ARMC3: variants seen among roughly 807,000 people sequenced by gnomAD.
ARMC3 encodes armadillo repeat-containing protein 3.
A neutral mutation model predicts 90.3 loss-of-function variants in ARMC3; 74 were observed. The ratio of observed to expected loss-of-function variants is 0.82; its 90% CI spans 0.68 to 0.99. The LOEUF (loss-of-function observed/expected upper bound fraction) is 0.99, where lower values mean the gene tolerates loss of function less well. Among genes scored for constraint, ARMC3 ranks in the 50% least tolerant of loss-of-function variants. The pLI is 0.00. For missense variants in ARMC3, 958 were observed against 1,042.8 expected, an observed-to-expected ratio of 0.92 and a Z score of 1.12; for synonymous variants, 334 against 361.8, an observed-to-expected ratio of 0.92 and a Z score of 0.87.
Position 23,002,032 on chromosome 10 carries a change from G to A in ARMC3, c.1539G>A (p.Thr513=), listed in dbSNP as rs537005560. ...TGGTCTGTGCTGGTGACGAGCTGAC[G>A]GCCAATGAATTATGCAGGCTCGGGT... ...AVMVCAGDEL[T]ANELCRLGAL... Residue 513 remains threonine (T), a synonymous_variant, in exon 12 of 19, where the codon ACG becomes ACA. Coordinates refer to ENST00000298032, the MANE Select transcript of ARMC3 (RefSeq NM_173081.5). 61 of 1,613,754 alleles carry A rather than the reference G, an allele frequency of 3.8e-5. No homozygotes were observed. The Admixed American group carries it at 4.8e-4, about 13-fold the overall frequency.
intron 10 of ARMC3, among the ~76,000 whole-genome samples, chr10:22,986,229 G>A (rs1011475531): frequency 2.0e-5 from 3 of 151,268 alleles, no homozygotes; most frequent in Non-Finnish European, 4.4e-5. Context: ...GTAGGCATTC[G>A]AAGGAAAATA....
intron 10 of ARMC3, among the ~76,000 whole-genome samples, chr10:22,984,852 C>A (rs1259828783): frequency 6.6e-6 from 1 of 151,416 alleles, no homozygotes; most frequent in Admixed American, 6.6e-5. Context: ...GAATTAAAAT[C>A]TTCTAAAATC....
chr10:22,981,367 A>T lies in ARMC3; in HGVS notation c.944A>T (p.Gln315Leu). The T allele has an allele frequency of 6.2e-7, 1 of 1,605,524 alleles. No homozygotes were observed. Among genetic ancestry groups the T allele is most frequent in the Admixed American group, 1.7e-5 (1 of 57,742 alleles). ...DPENRKLFHE[Q>L]EVEKCLVALL... ...GAAAATAGAAAACTTTTTCATGAAC[A>T]AGAGGTTGAAAAGTGCCTTGTAGCC... is the stretch of plus-strand genomic sequence containing the variant. Residue 315 changes from glutamine (Q) to leucine (L), a missense_variant, in exon 9 of 19, where the codon CAA (glutamine) becomes CTA (leucine). Physicochemically the swap from Gln to Leu is moderately radical, Grantham distance 113. Transcript: ENST00000298032.
Position 23,038,148 on chromosome 10 carries a change from C to T in ARMC3, c.*669C>T, listed in dbSNP as rs1486937502. ...CAGCTAAAAACAATTCTGATTTGCT[C>T]TTCCACATTTTAATGCTGGGCCATT... On this transcript the variant is annotated 3_prime_UTR_variant, in exon 19 of 19. Coordinates refer to ENST00000298032, the MANE Select transcript of ARMC3 (RefSeq NM_173081.5). 6.6e-6 allele frequency: 1 copy of T among 152,126 alleles called. No individual in the cohort carries two copies. Among genetic ancestry groups the T allele is most frequent in the Admixed American group, 6.5e-5 (1 of 15,272 alleles). 9.4% of individuals were successfully genotyped at this position (152,126 alleles called of 1,614,324 possible). A position where few individuals can be genotyped will look rare whatever the true frequency, so the allele number is the denominator to read the frequency against.
intron 4 of ARMC3, 27 bp from the exon 5 acceptor site, chr10:22,959,043 A>T (rs1835078938): frequency 6.5e-7 from 1 of 1,536,428 alleles, no homozygotes; most frequent in Non-Finnish European, 9.0e-7. Context: ...ATTAATAAAC[A>T]TCAATACTCT....
Position 22,998,186 on chromosome 10 carries a change from AC to A in ARMC3, c.1216del (p.Leu406SerfsTer17). On this transcript the variant is annotated frameshift_variant, in exon 11 of 19. Transcript: ENST00000298032. LOFTEE classifies it high-confidence loss of function. The stretch of plus-strand genomic sequence containing the variant: ...GCTGATGGTATTGATCCATTAATAA[AC>A]CTCCTGTCTAGTAAACGAGATGGAG... The part of the protein sequence containing the change: ...AEADGIDPLI[N>X]LLSSKRDGAI... 6.2e-7 allele frequency: 1 copy of A among 1,613,732 alleles called. No individual in the cohort carries two copies. The highest frequency in any genetic ancestry group is 8.5e-7 in the Non-Finnish European group (1 of 1,179,862).
In ARMC3 at chr10:22,965,964, T is replaced by C. The variant is rs573450960; in HGVS notation, c.733-2342T>C. ...CTGTCCCTAACAGAGTAGATTTCTA[T>C]TGACTGACTTTTTTCTGACTTTGAA... On this transcript the variant is annotated intron_variant, in intron 7 of 18. Transcript: ENST00000298032. Among the ~76,000 whole-genome samples, 6 of 152,342 alleles carry C rather than the reference T, an allele frequency of 3.9e-5. No homozygotes were observed. In the South Asian group the frequency reaches 6.2e-4, roughly 16 times the overall value.
chr10:23,028,501 C>T (rs1206835425), intron 16 of ARMC3, among the ~76,000 whole-genome samples: 1 of 152,128 alleles, frequency 6.6e-6, no homozygotes, highest in Non-Finnish European at 1.5e-5. Flanking sequence ...TGGTTCTTCA[C>T]ATAATGAGTA....
At chr10:22,939,970 C>G (rs1318481163) in intron 2 of ARMC3, among the ~76,000 whole-genome samples, 1 of 152,132 alleles carries the variant, frequency 6.6e-6, no homozygotes, top group Non-Finnish European at 1.5e-5. Flanking sequence ...ACCTAATATT[C>G]CAACAAAAAG....
chr10:22,968,072 G>A lies in ARMC3; in HGVS notation c.733-234G>A, dbSNP rs754989780. ...ACCATTTCTGGAAGTTTCCTCCCTAGCATTACTTTTTATCCATAAAACATT... is the reference window on the plus strand; with the variant it reads ...ACCATTTCTGGAAGTTTCCTCCCTAACATTACTTTTTATCCATAAAACATT... On this transcript the variant is annotated intron_variant, in intron 7 of 18. Coordinates refer to ENST00000298032, the MANE Select transcript of ARMC3 (RefSeq NM_173081.5). 2.2e-4 allele frequency among the ~76,000 whole-genome samples: 33 copies of A among 152,094 alleles called. 1 individual carries two copies. Among genetic ancestry groups the A allele is most frequent in the Non-Finnish European group, 1.9e-4 (13 of 68,002 alleles).
rs974759539 is a variant in ARMC3 at position 22,990,933 on chromosome 10, C to G, written c.1176-7215C>G. On this transcript the variant is annotated intron_variant, in intron 10 of 18. Transcript: ENST00000298032. The stretch of plus-strand genomic sequence containing the variant: ...TCTTTGCTTCTGACCCTCCCTCCAC[C>G]TTTTTCCCCGGGTTCCTTTCCCTAG... Among the ~76,000 whole-genome samples, 3 of 152,064 alleles carry G rather than the reference C, an allele frequency of 2.0e-5. No individual in the cohort carries two copies. The South Asian group carries it at 6.2e-4, about 32-fold the overall frequency.
intron 2 of ARMC3, among the ~76,000 whole-genome samples, chr10:22,938,976 G>A (rs142481322): frequency 6.6e-6 from 1 of 152,204 alleles, no homozygotes; most frequent in African/African-American, 2.4e-5. Context: ...AGAAGTCCTG[G>A]GTGACATGTG....
At chr10:22,968,266 T>G in intron 7 of ARMC3, 40 bp from the exon 8 acceptor site, 1 of 1,558,006 alleles carries the variant, frequency 6.4e-7, no homozygotes, top group South Asian at 1.1e-5. Flanking sequence ...GTGTACATTT[T>G]AGTACAACTT....
intron 11 of ARMC3, 122 bp from the exon 12 acceptor site, chr10:23,001,797 A>G: frequency 8.4e-7 from 1 of 1,189,058 alleles, no homozygotes; most frequent in Non-Finnish European, 1.2e-6. Context: ...AAAGATAGAC[A>G]CATTCTGAAG....
At chr10:23,018,303 G>A (rs1838364606) in intron 16 of ARMC3, among the ~76,000 whole-genome samples, 1 of 152,112 alleles carries the variant, frequency 6.6e-6, no homozygotes, top group South Asian at 2.1e-4. Context: ...CAGCCTCCCA[G>A]CCCACACTGG....
intron 2 of ARMC3, among the ~76,000 whole-genome samples, chr10:22,937,691 G>C (rs1410789379): frequency 6.6e-6 from 1 of 152,110 alleles, no homozygotes; most frequent in Non-Finnish European, 1.5e-5. Context: ...TAGCTCCATG[G>C]ACCTCAGATT....
At chr10:22,948,097 G>C (rs1410355400) in intron 3 of ARMC3, among the ~76,000 whole-genome samples, 1 of 152,086 alleles carries the variant, frequency 6.6e-6, no homozygotes, top group Non-Finnish European at 1.5e-5. Context: ...AACTGAATGA[G>C]AGAACAACAA....
chr10:22,995,968 G>A (rs1057449329), intron 10 of ARMC3, among the ~76,000 whole-genome samples: 9 of 152,186 alleles, frequency 5.9e-5, no homozygotes, highest in Admixed American at 1.3e-4. Context: ...GAACATTCTC[G>A]AGGGAAAACC....
chr10:22,949,323 A>T (rs1171569164), intron 3 of ARMC3, among the ~76,000 whole-genome samples: 1 of 152,228 alleles, frequency 6.6e-6, no homozygotes, highest in Non-Finnish European at 1.5e-5. Context: ...TGAGTAAATC[A>T]AATTGACCTA....
Sources: allele counts gnomAD v4.1 joint callset (sites outside exome capture counted in the v4.1 genomes callset), GRCh38; gene constraint gnomAD v4.1.1; transcripts MANE v1.5; gene names NCBI Gene and HGNC (gene_info 2026-07-23, HGNC 2026-07-21).